The following EVC variants were observed in gnomAD, a reference collection of about 807,000 sequenced individuals.
The protein encoded by EVC is evC complex member EVC.
EVC carries 116 observed loss-of-function variants against 118.9 expected under a neutral mutation model. That is an observed-to-expected ratio of 0.98 (90% CI 0.84 to 1.14). EVC has a LOEUF of 1.14. Ranked by LOEUF, EVC falls within the 50% of genes most tolerant of loss-of-function variation. The probability of loss-of-function intolerance (pLI) is 0.00; values close to 1 mark genes in which losing one functional copy is unlikely to be tolerated. For synonymous variants in EVC, 619 were observed against 534.7 expected, an observed-to-expected ratio of 1.16 and a Z score of -2.18; for missense variants, 1,401 against 1,246.4, an observed-to-expected ratio of 1.12 and a Z score of -1.87.
At chr4:5,727,974 A>G (rs1222634697) in intron 2 of EVC, among the ~76,000 whole-genome samples, 7 of 150,462 alleles carry the variant, frequency 4.7e-5, no homozygotes, top group African/African-American at 1.7e-4. Flanking sequence ...TGGTTACTGT[A>G]GACTTGTAGT....
At chr4:5,724,495 A>C (rs1026526831) in intron 2 of EVC, among the ~76,000 whole-genome samples, 1 of 152,216 alleles carries the variant, frequency 6.6e-6, no homozygotes, top group African/African-American at 2.4e-5. Flanking sequence ...CAGAGCCAGC[A>C]TGGCATCAGC....
chr4:5,819,716 G>A, the EVC span, among the ~76,000 whole-genome samples: 1 of 152,180 alleles, frequency 6.6e-6, no homozygotes, highest in African/African-American at 2.4e-5. Flanking sequence ...TTTTCTGGAA[G>A]TTTCCCTTTA....
the EVC span, chr4:5,828,773 GT>G: frequency 1.6e-4 from 206 of 1,295,602 alleles, no homozygotes; most frequent in African/African-American, 1.3e-3. Flanking sequence ...GTGTTCCAAT[GT>G]TTTTTTTTCT....
At chr4:5,779,370 C>T (rs1735241931) in intron 11 of EVC, among the ~76,000 whole-genome samples, 2 of 150,742 alleles carry the variant, frequency 1.3e-5, no homozygotes, top group African/African-American at 4.9e-5. Context: ...TTTTCCAATT[C>T]TGTGAAGAAA....
chr4:5,770,761 A>T (rs542912984), intron 11 of EVC, among the ~76,000 whole-genome samples: 1 of 152,182 alleles, frequency 6.6e-6, no homozygotes, highest in East Asian at 1.9e-4. Flanking sequence ...CTGTAATCCC[A>T]GCACTTTGGG....
intron 6 of EVC, 73 bp from the exon 7 acceptor site, chr4:5,745,131 A>T: frequency 6.9e-7 from 1 of 1,441,242 alleles, no homozygotes; most frequent in Non-Finnish European, 9.6e-7. Context: ...AAAAGCATTT[A>T]TTTTTCTAGA....
Position 5,741,716 on chromosome 4 carries a change from A to G in EVC, c.703A>G (p.Met235Val). ...DTALRQEKHMMFIQIFKMCLL... is the reference protein window; with the variant it reads ...DTALRQEKHMVFIQIFKMCLL... ...GTTATCTTTCCTTTCTTGGCAATAG[A>G]TGTTTATTCAGATTTTTAAAATGTG... Residue 235 changes from methionine (M) to valine (V), a missense_variant and splice_region_variant, in exon 6 of 21, where the codon ATG becomes GTG. Transcript: ENST00000264956. 6.5e-7 allele frequency: 1 copy of G among 1,542,696 alleles called. No individual in the cohort carries two copies. The highest frequency in any genetic ancestry group is 2.3e-5 in the East Asian group (1 of 44,342).
chr4:5,724,182 G>A (rs1422116155), intron 2 of EVC, among the ~76,000 whole-genome samples: 1 of 152,248 alleles, frequency 6.6e-6, no homozygotes, highest in East Asian at 1.9e-4. Flanking sequence ...TAAGGTGGCT[G>A]GAGACGGCAG....
intron 12 of EVC, among the ~76,000 whole-genome samples, chr4:5,790,483 C>T (rs1712577622): frequency 6.6e-6 from 1 of 152,096 alleles, no homozygotes; most frequent in Non-Finnish European, 1.5e-5. Flanking sequence ...TTTTACAAAG[C>T]CATGGAAAAG....
Position 5,743,092 on chromosome 4 carries a change from T to C in EVC, c.801+1278T>C, listed in dbSNP as rs959494435. Among the ~76,000 whole-genome samples, 1 of 152,234 alleles carries C rather than the reference T, an allele frequency of 6.6e-6. No individual in the cohort carries two copies. Among genetic ancestry groups the C allele is most frequent in the African/African-American group, 2.4e-5 (1 of 41,470 alleles). On this transcript the variant is annotated intron_variant, in intron 6 of 20. Transcript: ENST00000264956. The surrounding 1 kb of genome is among the most constrained non-coding windows in gnomAD (Gnocchi z 4.7). ...GACAGTAACTTCTGGGTTGTTGCCA[T>C]GGAAAAGGGTGGTAACTTTTGGGTT...
chr4:5,800,362 C>A (rs1714748919), intron 15 of EVC, among the ~76,000 whole-genome samples: 1 of 152,024 alleles, frequency 6.6e-6, no homozygotes, highest in Non-Finnish European at 1.5e-5. Context: ...AACAAACAAA[C>A]AAAAAACAGA....
chr4:5,720,883 T>C (rs1724846352), intron 2 of EVC, among the ~76,000 whole-genome samples: 1 of 111,294 alleles, frequency 9.0e-6, no homozygotes, highest in Non-Finnish European at 2.1e-5. Flanking sequence ...AAAATATGAG[T>C]TAACTTTACA....
At chr4:5,722,019 G>C in intron 2 of EVC, among the ~76,000 whole-genome samples, 1 of 152,176 alleles carries the variant, frequency 6.6e-6, no homozygotes, top group South Asian at 2.1e-4. Context: ...GGGTACCCTT[G>C]AATGTGATGA....
At chr4:5,729,205 A>T in intron 2 of EVC, 102 bp from the exon 3 acceptor site, 1 of 1,027,598 alleles carries the variant, frequency 9.7e-7, no homozygotes, top group Non-Finnish European at 1.5e-6. Context: ...TCCCTTTCTG[A>T]GGCTGCTATT....
chr4:5,767,582 G>C (rs866815108), intron 11 of EVC, among the ~76,000 whole-genome samples: 3 of 151,410 alleles, frequency 2.0e-5, no homozygotes, highest in African/African-American at 7.3e-5. Flanking sequence ...TCCGAGCCAC[G>C]TGTGGGATAT....
At chr4:5,792,080 C>T (rs545232853) in intron 12 of EVC, among the ~76,000 whole-genome samples, 2 of 148,304 alleles carry the variant, frequency 1.3e-5, no homozygotes, top group South Asian at 2.3e-4. Context: ...AGGTTAGACA[C>T]CTAAAAAATG....
At position 5,737,962 on chromosome 4, in the gene EVC, G is replaced by A. The variant is rs1727951342; in HGVS notation, c.703-3754G>A. Among the ~76,000 whole-genome samples the A allele has an allele frequency of 6.6e-6, 1 of 152,184 alleles. No individual in the cohort carries two copies. Among genetic ancestry groups the A allele is most frequent in the African/African-American group, 2.4e-5 (1 of 41,444 alleles). The stretch of plus-strand genomic sequence containing the variant: ...GATTCCTCTGAAGGATTTGAACAAT[G>A]TAAATTGAAAACCTTCTGGAAAGGA... On this transcript the variant is annotated intron_variant, in intron 5 of 20. Transcript: ENST00000264956. This position sits in a 1 kb window ranked among gnomAD's most constrained non-coding sequence, Gnocchi z 5.0.
rs758527967 is a variant in EVC, at chr4:5,783,602, G to T, written c.1614G>T (p.Leu538=). 34 of 1,614,048 alleles carry T rather than the reference G, an allele frequency of 2.1e-5. No individual in the cohort carries two copies. The highest frequency in any genetic ancestry group is 2.8e-5 in the Non-Finnish European group (33 of 1,180,026). Residue 538 remains leucine, a synonymous_variant, in exon 12 of 21, where the codon CTG becomes CTT. Transcript: ENST00000264956. The part of the protein sequence containing the change: ...VDTFQKFVDA[L]FLQTLPGMTG... ...CTTTCCAGAAGTTCGTGGATGCCCT[G>T]TTCCTTCAGACGCTCCCTGGCATGA... is the stretch of plus-strand genomic sequence containing the variant.
At chr4:5,825,664 A>G in the EVC span, 2 of 1,612,210 alleles carry the variant, frequency 1.2e-6, no homozygotes, top group Admixed American at 1.7e-5. The surrounding 1 kb of genome is among the most constrained non-coding windows in gnomAD (Gnocchi z 4.4). Flanking sequence ...AAAAACCTAA[A>G]CAGAGGAAGG....
Sources: allele counts gnomAD v4.1 joint callset (sites outside exome capture counted in the v4.1 genomes callset), GRCh38; gene constraint gnomAD v4.1.1; non-coding constraint Gnocchi (gnomAD v3.1); transcripts MANE v1.5; gene names NCBI Gene and HGNC (gene_info 2026-07-23, HGNC 2026-07-21).